The following KIF6 variants were observed in gnomAD, a reference collection of about 807,000 sequenced individuals.
The protein encoded by KIF6 is kinesin family member 6, also known as kinesin-like protein KIF6.
Under a neutral mutation model 112.7 loss-of-function variants are expected in KIF6, and 106 were observed. That is an observed-to-expected ratio of 0.94 (90% CI 0.80 to 1.11). The LOEUF is 1.11. Among genes scored for constraint, KIF6 ranks in the 50% least tolerant of loss-of-function variants. The pLI is 0.00. For synonymous variants in KIF6, 339 were observed against 339.9 expected (o/e 1.00, Z 0.03); for missense variants, 929 against 964.0 (o/e 0.96, Z 0.48).
Position 39,646,136 on chromosome 6 carries a change from A to G in KIF6, c.252-6379T>C, listed in dbSNP as rs531783934. Among the ~76,000 whole-genome samples the G allele has an allele frequency of 4.7e-5, 7 of 148,556 alleles. No individual in the cohort carries two copies. In the South Asian group the frequency reaches 1.5e-3, roughly 31 times the overall value. ...ACGTATAAGAAAAATATATATATAT[A>G]TAAAATAAATAAATAAAGATGAGAA... On this transcript the variant is annotated intron_variant, in intron 3 of 22. Coordinates refer to ENST00000287152, the MANE Select transcript of KIF6 (RefSeq NM_145027.6).
At chr6:39,356,763 A>G (rs914921307) in intron 19 of KIF6, among the ~76,000 whole-genome samples, 3 of 152,080 alleles carry the variant, frequency 2.0e-5, no homozygotes, top group Admixed American at 6.6e-5. Context: ...GAAAGAGACA[A>G]TAACATGGTT....
chr6:39,586,452 A>G, intron 7 of KIF6, 48 bp from the exon 8 acceptor site: 1 of 1,501,528 alleles, frequency 6.7e-7, no homozygotes. Flanking sequence ...AAGAAAATGC[A>G]CTCCTGACAA....
At chr6:39,390,139 T>C (rs1329994175) in intron 15 of KIF6, among the ~76,000 whole-genome samples, 1 of 152,040 alleles carries the variant, frequency 6.6e-6, no homozygotes, top group Non-Finnish European at 1.5e-5. Flanking sequence ...AACCAACGTC[T>C]CTAACCTCAA....
intron 10 of KIF6, among the ~76,000 whole-genome samples, chr6:39,558,902 C>A (rs137891570): frequency 2.8e-4 from 43 of 152,242 alleles, no homozygotes; most frequent in African/African-American, 9.4e-4. Flanking sequence ...ACAGAAACAG[C>A]CCTGAGATGG....
chr6:39,369,310 A>T (rs915166503), intron 16 of KIF6, among the ~76,000 whole-genome samples: 1 of 152,086 alleles, frequency 6.6e-6, no homozygotes, highest in African/African-American at 2.4e-5. Context: ...CCCAGATTTA[A>T]GGGTGTGCTG....
intron 3 of KIF6, among the ~76,000 whole-genome samples, chr6:39,712,101 CAT>C (rs1789590505): frequency 6.6e-6 from 1 of 151,816 alleles, no homozygotes; most frequent in South Asian, 2.1e-4. Flanking sequence ...AAGAAAATAA[CAT>C]AGGAGGAATA....
At chr6:39,711,052 T>TAATA (rs896586674) in intron 3 of KIF6, among the ~76,000 whole-genome samples, 10 of 147,992 alleles carry the variant, frequency 6.8e-5, no homozygotes, top group South Asian at 2.1e-4. Context: ...AAAAATTAAA[T>TAATA]AATAAATAAA....
At chr6:39,635,520 A>T (rs1171875660) in intron 4 of KIF6, among the ~76,000 whole-genome samples, 1 of 152,126 alleles carries the variant, frequency 6.6e-6, no homozygotes, top group Admixed American at 6.6e-5. Context: ...ATGAGTGGAC[A>T]TTAATAGTTC....
intron 10 of KIF6, among the ~76,000 whole-genome samples, chr6:39,550,492 G>A (rs1779308776): frequency 2.0e-5 from 3 of 152,162 alleles, no homozygotes; most frequent in Non-Finnish European, 4.4e-5. Flanking sequence ...TATAAACAAG[G>A]CTCGGGGGAT....
chr6:39,442,943 C>G (rs1581867168), intron 13 of KIF6, among the ~76,000 whole-genome samples: 1 of 151,896 alleles, frequency 6.6e-6, no homozygotes, highest in African/African-American at 2.4e-5. Flanking sequence ...GAAACCTCGT[C>G]TCTACTAAAA....
intron 9 of KIF6, among the ~76,000 whole-genome samples, chr6:39,584,214 G>A (rs957162958): frequency 4.4e-4 from 67 of 151,568 alleles, no homozygotes; most frequent in African/African-American, 1.5e-3. Context: ...CTGAGCTCAG[G>A]AGTTTGAGAC....
intron 13 of KIF6, among the ~76,000 whole-genome samples, chr6:39,499,611 C>T (rs1043249536): frequency 6.6e-6 from 1 of 152,112 alleles, no homozygotes; most frequent in African/African-American, 2.4e-5. Flanking sequence ...TCAAAAATCC[C>T]AGCTGAGCAT....
chr6:39,705,653 A>T (rs1789163852), intron 3 of KIF6, among the ~76,000 whole-genome samples: 1 of 152,244 alleles, frequency 6.6e-6, no homozygotes, highest in Non-Finnish European at 1.5e-5. Flanking sequence ...TGAGGCTCAA[A>T]GTGCCATGAT....
chr6:39,611,917 C>A (rs971779072), intron 6 of KIF6, among the ~76,000 whole-genome samples: 1 of 151,756 alleles, frequency 6.6e-6, no homozygotes, highest in Non-Finnish European at 1.5e-5. Context: ...ATTTGTAAAG[C>A]AAAACAAAAT....
Position 39,396,582 on chromosome 6 carries a change from A to C in KIF6, c.1811-10910T>G, listed in dbSNP as rs553987478. Reference sequence around the variant, plus strand: ...CTGGGCCTACAATAATGGAAAGAGCATGGGTTCTGGGAGCAGGTAGACTGG... The same window carrying C: ...CTGGGCCTACAATAATGGAAAGAGCCTGGGTTCTGGGAGCAGGTAGACTGG... On this transcript the variant is annotated intron_variant, in intron 15 of 22. Coordinates refer to ENST00000287152, the MANE Select transcript of KIF6 (RefSeq NM_145027.6). Among the ~76,000 whole-genome samples the C allele has an allele frequency of 3.3e-5, 5 of 152,284 alleles. No homozygotes were observed. The East Asian group carries it at 9.7e-4, about 29-fold the overall frequency.
intron 16 of KIF6, among the ~76,000 whole-genome samples, chr6:39,384,075 G>A (rs980753758): frequency 6.6e-5 from 10 of 152,102 alleles, no homozygotes; most frequent in Non-Finnish European, 8.8e-5. Flanking sequence ...CTAGGTATAC[G>A]GTCATATCAG....
chr6:39,509,783 T>A (rs986071546), intron 13 of KIF6, among the ~76,000 whole-genome samples: 17 of 152,052 alleles, frequency 1.1e-4, no homozygotes, highest in African/African-American at 3.9e-4. Context: ...ACGGGGAGAA[T>A]GGAACCAAGT....
chr6:39,350,058 GA>G, intron 19 of KIF6, among the ~76,000 whole-genome samples: 1 of 152,280 alleles, frequency 6.6e-6, no homozygotes, highest in Non-Finnish European at 1.5e-5. Flanking sequence ...TTTCTCAGCT[GA>G]AATGGCAAGG....
intron 6 of KIF6, among the ~76,000 whole-genome samples, chr6:39,608,833 T>A (rs1329729643): frequency 6.6e-6 from 1 of 152,170 alleles, no homozygotes; most frequent in Non-Finnish European, 1.5e-5. Flanking sequence ...AATCACCAGG[T>A]CTTCCTCTCT....
Sources: gnomAD v4.1 joint callset for allele counts (sites outside exome capture counted in the v4.1 genomes callset) on GRCh38, gnomAD v4.1.1 for gene constraint, MANE v1.5 for transcripts, NCBI Gene and HGNC (gene_info 2026-07-23, HGNC 2026-07-21) for gene names.